The following BTBD8 variants were observed in gnomAD, a reference collection of about 807,000 sequenced individuals.
BTBD8 encodes BTB domain containing 8, also known as BTB/POZ domain-containing protein 8.
In BTBD8, 110 loss-of-function variants were observed where a neutral mutation model predicts 162.9. The ratio of observed to expected loss-of-function variants is 0.68; its 90% confidence interval spans 0.58 to 0.79. The LOEUF (loss-of-function observed/expected upper bound fraction) is 0.79. Ranked by LOEUF, BTBD8 falls within the 30% of genes least tolerant of loss-of-function variation. The probability of loss-of-function intolerance (pLI) is 0.00; values close to 1 mark genes in which losing one functional copy is unlikely to be tolerated. For synonymous variants in BTBD8, 667 were observed against 716.1 expected (o/e 0.93, Z 1.10); for missense variants, 1,905 against 2,085.4 (o/e 0.91, Z 1.68).
At chr1:92,117,008 T>G (rs1302510735) in intron 4 of BTBD8, among the ~76,000 whole-genome samples, 2 of 151,752 alleles carry the variant, frequency 1.3e-5, no homozygotes, top group Admixed American at 6.6e-5. Context: ...GCCATCATAC[T>G]CAGCTAATTT....
At chr1:92,120,315 C>T (rs908438432) in intron 4 of BTBD8, among the ~76,000 whole-genome samples, 9 of 152,202 alleles carry the variant, frequency 5.9e-5, no homozygotes, top group Admixed American at 3.9e-4. Context: ...TCAATCCCTT[C>T]CGCCTCCACA....
chr1:92,157,501 CTTAT>C (rs1650187293), intron 9 of BTBD8, among the ~76,000 whole-genome samples: 1 of 151,926 alleles, frequency 6.6e-6, no homozygotes, highest in Admixed American at 6.6e-5. Context: ...TTCTTATTTA[CTTAT>C]TTATTTATTT....
chr1:92,085,859 A>G (rs892934495), intron 1 of BTBD8, among the ~76,000 whole-genome samples: 1 of 152,156 alleles, frequency 6.6e-6, no homozygotes, highest in Admixed American at 6.5e-5. Context: ...CTTTGGGGCT[A>G]CAAAGTTCGG....
At chr1:92,093,949 A>T (rs773323269) in intron 2 of BTBD8, among the ~76,000 whole-genome samples, 2 of 152,260 alleles carry the variant, frequency 1.3e-5, no homozygotes, top group South Asian at 4.1e-4. Context: ...CATTACATCA[A>T]TGATACCCTT....
intron 1 of BTBD8, among the ~76,000 whole-genome samples, chr1:92,087,623 G>A (rs1435514348): frequency 6.6e-6 from 1 of 152,082 alleles, no homozygotes; most frequent in African/African-American, 2.4e-5. Flanking sequence ...TGGGGAGAAA[G>A]ACATGTAAAA....
rs575631261 is a variant in BTBD8, at chr1:92,168,127, A to G, written c.1443+142A>G. The G allele has an allele frequency of 7.0e-5, 40 of 570,406 alleles. No homozygotes were observed. In the African/African-American group the frequency reaches 7.8e-4, roughly 11 times the overall value. 35.3% of individuals were successfully genotyped at this position (570,406 alleles called of 1,614,324 possible). A position where few individuals can be genotyped will look rare whatever the true frequency, so the allele number is the denominator to read the frequency against. On this transcript the variant is annotated intron_variant, in intron 11 of 17. Coordinates refer to ENST00000636805, the MANE Select transcript of BTBD8 (RefSeq NM_001376131.1). ...TGGATTAAGGTCTCTACTTTTGTAT[A>G]TGTTTGGAATTTTTTATAATACTAA... is the stretch of plus-strand genomic sequence containing the variant.
chr1:92,139,962 A>AAAAAAAAAAC (rs1649732904), intron 6 of BTBD8: 1 of 143,706 alleles, frequency 7.0e-6, no homozygotes, highest in South Asian at 2.2e-4. Flanking sequence ...AAAAAAAAAA[A>AAAAAAAAAAC]AGCTGGGCAT....
chr1:92,113,226 C>T (rs1022439937), intron 4 of BTBD8, among the ~76,000 whole-genome samples: 23 of 152,174 alleles, frequency 1.5e-4, no homozygotes, highest in Non-Finnish European at 2.9e-5. Flanking sequence ...GGAATGTTTT[C>T]TAAGTTTCTG....
At chr1:92,107,629 AC>A (rs1648768814) in intron 3 of BTBD8, among the ~76,000 whole-genome samples, 1 of 152,208 alleles carries the variant, frequency 6.6e-6, no homozygotes, top group African/African-American at 2.4e-5. Flanking sequence ...ATTTCTCAGA[AC>A]TGTCATTAAG....
intron 4 of BTBD8, chr1:92,125,403 C>A (rs1281778502): frequency 1.2e-5 from 3 of 251,220 alleles, no homozygotes; most frequent in East Asian, 1.2e-4. Flanking sequence ...CTCAAAGATT[C>A]TATTGTGCAG....
chr1:92,099,563 C>T (rs568219584), intron 2 of BTBD8, among the ~76,000 whole-genome samples: 6 of 152,160 alleles, frequency 3.9e-5, no homozygotes, highest in Admixed American at 2.0e-4. Context: ...TAGTTGCTTT[C>T]GACATTGTTT....
intron 4 of BTBD8, among the ~76,000 whole-genome samples, chr1:92,128,553 C>T (rs1168332261): frequency 6.6e-6 from 1 of 152,024 alleles, no homozygotes; most frequent in Non-Finnish European, 1.5e-5. Context: ...GCTGGGATTA[C>T]AGGCGTGAGC....
At chr1:92,153,435 A>G (rs1238622070) in intron 9 of BTBD8, among the ~76,000 whole-genome samples, 1 of 152,150 alleles carries the variant, frequency 6.6e-6, no homozygotes, top group East Asian at 1.9e-4. Flanking sequence ...AGTGTACAAT[A>G]CAGTATTGTC....
At position 92,098,143 on chromosome 1, in the gene BTBD8, T is replaced by C. The variant is rs12040450; in HGVS notation, c.348-4330T>C. Among the ~76,000 whole-genome samples, 39 of 152,296 alleles carry C rather than the reference T, an allele frequency of 2.6e-4. No individual in the cohort carries two copies. The East Asian group carries it at 7.3e-3, about 29-fold the overall frequency. Reference sequence around the variant, plus strand: ...TAAACTATTGCTTGTATAAACAGTTTAGACATAGTGAGCCACCTTTACATT... The same window carrying C: ...TAAACTATTGCTTGTATAAACAGTTCAGACATAGTGAGCCACCTTTACATT... On this transcript the variant is annotated intron_variant, in intron 2 of 17. Transcript: ENST00000636805.
intron 12 of BTBD8, among the ~76,000 whole-genome samples, chr1:92,170,942 C>T (rs549085482): frequency 3.6e-4 from 54 of 151,742 alleles, no homozygotes; most frequent in Non-Finnish European, 5.9e-5. Context: ...TATATATCTG[C>T]AAAACCAGAA....
chr1:92,155,329 A>G (rs1650137405), intron 9 of BTBD8, among the ~76,000 whole-genome samples: 1 of 152,202 alleles, frequency 6.6e-6, no homozygotes, highest in South Asian at 2.1e-4. Flanking sequence ...CATTGTATCC[A>G]TAGATCACTT....
chr1:92,101,742 G>A (rs1395852048), intron 2 of BTBD8, among the ~76,000 whole-genome samples: 2 of 152,044 alleles, frequency 1.3e-5, no homozygotes, highest in East Asian at 3.9e-4. Context: ...CTGTTGCCCT[G>A]ACTGGAGTGC....
intron 4 of BTBD8, chr1:92,126,046 G>T (rs1386906801): frequency 6.2e-6 from 3 of 485,004 alleles, no homozygotes; most frequent in Non-Finnish European, 1.2e-5. Flanking sequence ...AGCACACTGA[G>T]AATGTGGAAG....
intron 9 of BTBD8, among the ~76,000 whole-genome samples, chr1:92,165,941 A>G (rs1650374696): frequency 6.6e-6 from 1 of 152,192 alleles, no homozygotes; most frequent in Non-Finnish European, 1.5e-5. Context: ...TCAATTTACC[A>G]GTCTATCAAG....
Sources: allele counts gnomAD v4.1 joint callset (sites outside exome capture counted in the v4.1 genomes callset), GRCh38; gene constraint gnomAD v4.1.1; transcripts MANE v1.5; gene names NCBI Gene and HGNC (gene_info 2026-07-23, HGNC 2026-07-21).